TUT4: variants seen among roughly 807,000 people sequenced by gnomAD.
The protein encoded by TUT4 is terminal uridylyl transferase 4, also known as terminal uridylyltransferase 4.
A neutral mutation model predicts 192.2 loss-of-function variants in TUT4; 36 were observed. The observed-to-expected ratio is 0.19, with a 90% CI of 0.14 to 0.25. The LOEUF (loss-of-function observed/expected upper bound fraction) is 0.25. TUT4 is among the 10% of genes least tolerant of loss of function. The pLI is 1.00. For synonymous variants in TUT4, 618 were observed against 666.0 expected (o/e 0.93, Z 1.11); for missense variants, 1,493 against 1,957.2 (o/e 0.76, Z 4.47).
chr1:52,423,985 G>A lies in TUT4; in HGVS notation c.4888C>T (p.Arg1630Trp), dbSNP rs140385741. Reference sequence around the variant, plus strand: ...GGGTGGGGACAACGCTCTCTACACCGACGGGTGGCACATCTGTCTGTTGGA... The same window carrying A: ...GGGTGGGGACAACGCTCTCTACACCAACGGGTGGCACATCTGTCTGTTGGA... Reference protein sequence around the residue: ...FYTQDRCATRRCRERCPHPPR... With the variant: ...FYTQDRCATRWCRERCPHPPR... Residue 1630 changes from arginine (R) to tryptophan (W), a missense_variant, in exon 30 of 30, where the codon CGG (arginine) becomes TGG (tryptophan). Around this residue, in one of 7 missense-constraint regions of TUT4, gnomAD observed 351 missense variants for 397.8 expected, o/e 0.88. Transcript: ENST00000257177. The A allele has an allele frequency of 1.8e-5, 29 of 1,612,352 alleles. No individual in the cohort carries two copies. Among genetic ancestry groups the A allele is most frequent in the East Asian group, 6.7e-5 (3 of 44,834 alleles).
rs954187005 is a variant in TUT4 at position 52,540,375 on chromosome 1, G to A, written c.-94+12556C>T. Among the ~76,000 whole-genome samples, 3 of 151,788 alleles carry A rather than the reference G, an allele frequency of 2.0e-5. No individual in the cohort carries two copies. The East Asian group carries it at 5.8e-4, about 29-fold the overall frequency. ...ACTAAAAAGACAAAAAAATTGCAGG[G>A]TGTGGTGGCATGCACCTGTAGTCCG... On this transcript the variant is annotated intron_variant, in intron 1 of 29. Coordinates refer to ENST00000257177, the MANE Select transcript of TUT4 (RefSeq NM_001009881.3).
At chr1:52,435,574 T>G in intron 26 of TUT4, 109 bp from the exon 27 acceptor site, 1 of 838,948 alleles carries the variant, frequency 1.2e-6, no homozygotes, top group East Asian at 2.7e-5. Flanking sequence ...CTCTGCAATT[T>G]TATAAACTTG....
At chr1:52,526,622 G>A (rs960061985) in intron 1 of TUT4, among the ~76,000 whole-genome samples, 12 of 152,078 alleles carry the variant, frequency 7.9e-5, no homozygotes, top group African/African-American at 2.9e-4. Context: ...AAGAATTTTA[G>A]AAGTAAAGGT....
At chr1:52,435,823 T>C (rs541171923) in intron 26 of TUT4, among the ~76,000 whole-genome samples, 4 of 152,032 alleles carry the variant, frequency 2.6e-5, no homozygotes, top group Admixed American at 6.6e-5. Flanking sequence ...GGTGGGAGGA[T>C]CACTTGAGTC....
chr1:52,461,677 T>C (rs781181784), intron 17 of TUT4, 35 bp downstream of exon 17: 3 of 1,543,134 alleles, frequency 1.9e-6, no homozygotes, highest in Non-Finnish European at 2.6e-6. Flanking sequence ...TAAAAAAATT[T>C]ATTTTGTTTT....
At chr1:52,484,288 G>C (rs937480796) in intron 9 of TUT4, among the ~76,000 whole-genome samples, 1 of 152,070 alleles carries the variant, frequency 6.6e-6, no homozygotes, top group African/African-American at 2.4e-5. Flanking sequence ...AAAAAATACA[G>C]TACAACTATT....
intron 1 of TUT4, among the ~76,000 whole-genome samples, chr1:52,536,940 C>T (rs371848805): frequency 3.9e-4 from 60 of 152,192 alleles, no homozygotes; most frequent in African/African-American, 1.2e-3. Context: ...CCAAGGCAGG[C>T]GGATCATGAG....
At chr1:52,445,760 T>TC (rs1432119905) in intron 24 of TUT4, 27 bp downstream of exon 24, 1 of 1,519,468 alleles carries the variant, frequency 6.6e-7, no homozygotes. Flanking sequence ...AAAGAAAAGA[T>TC]TCACAATTCA....
At chr1:52,528,901 C>T (rs1682583180) in intron 1 of TUT4, among the ~76,000 whole-genome samples, 1 of 151,934 alleles carries the variant, frequency 6.6e-6, no homozygotes, top group Non-Finnish European at 1.5e-5. Context: ...GTTGTAGAGA[C>T]AAAGTCTCAC....
chr1:52,436,636 G>C, intron 26 of TUT4, 119 bp downstream of exon 26: 1 of 1,471,574 alleles, frequency 6.8e-7, no homozygotes. Context: ...TTAAGAAATT[G>C]TAAGGTCCAA....
intron 1 of TUT4, among the ~76,000 whole-genome samples, chr1:52,541,602 C>T (rs1014473621): frequency 2.0e-5 from 3 of 151,174 alleles, no homozygotes; most frequent in African/African-American, 4.8e-5. Context: ...GATCAAAGAC[C>T]TAAATGTAGA....
chr1:52,475,846 G>GT lies in TUT4; in HGVS notation c.2024-312dup, dbSNP rs997442956. ...CAATGATGAAATTGTGGAAAAAGGA[G>GT]TTTTTTTTTTTCTTTTGAGATGGAG... is the stretch of plus-strand genomic sequence containing the variant. On this transcript the variant is annotated intron_variant, in intron 12 of 29. Coordinates refer to ENST00000257177, the MANE Select transcript of TUT4 (RefSeq NM_001009881.3). Among the ~76,000 whole-genome samples the GT allele has an allele frequency of 1.5e-3, 221 of 147,628 alleles. 1 individual carries two copies. Among genetic ancestry groups the GT allele is most frequent in the South Asian group, 3.9e-3 (18 of 4,624 alleles).
chr1:52,483,599 C>T (rs892063423), intron 9 of TUT4, among the ~76,000 whole-genome samples: 29 of 152,154 alleles, frequency 1.9e-4, no homozygotes, highest in Admixed American at 1.8e-3. Context: ...GACTTAAGGT[C>T]AGGAGTTCGA....
chr1:52,459,693 C>A (rs1662009983), intron 19 of TUT4, among the ~76,000 whole-genome samples: 1 of 152,070 alleles, frequency 6.6e-6, no homozygotes. Context: ...CCAGCCTGGC[C>A]AACATGGCAA....
intron 13 of TUT4, among the ~76,000 whole-genome samples, chr1:52,473,479 G>A (rs540848601): frequency 2.0e-5 from 3 of 152,288 alleles, no homozygotes; most frequent in African/African-American, 4.8e-5. Flanking sequence ...TGGATGGATA[G>A]GTTTGTGGCA....
chr1:52,500,479 T>C (rs1270769607), intron 4 of TUT4, among the ~76,000 whole-genome samples: 1 of 151,470 alleles, frequency 6.6e-6, no homozygotes, highest in Non-Finnish European at 1.5e-5. Context: ...AATAAAAAAT[T>C]AGGCCAGGCA....
chr1:52,467,524 C>T (rs528887139), intron 15 of TUT4, among the ~76,000 whole-genome samples: 1 of 152,314 alleles, frequency 6.6e-6, no homozygotes, highest in East Asian at 1.9e-4. Context: ...ACTCTGGACT[C>T]ACACAACAGC....
intron 3 of TUT4, among the ~76,000 whole-genome samples, chr1:52,511,294 A>G (rs1327066121): frequency 6.6e-6 from 1 of 152,186 alleles, no homozygotes; most frequent in African/African-American, 2.4e-5. Context: ...AATTCTGTCA[A>G]ATCAGTTCCT....
rs770450670 is a variant in TUT4, at chr1:52,493,581, A to AAAAAG, written c.1318+25_1318+29dup. The AAAAAG allele has an allele frequency of 3.6e-6, 5 of 1,403,320 alleles. No homozygotes were observed. The African/African-American group carries it at 7.3e-5, about 21-fold the overall frequency. 86.9% of individuals were successfully genotyped at this position (1,403,320 alleles called of 1,614,324 possible). A position where few individuals can be genotyped will look rare whatever the true frequency, so the allele number is the denominator to read the frequency against. ...CCTTTAGAAAGACAAATTAAAAAAA[A>AAAAAG]AAAAGAAAAGAAAAAGAAAAGAAAC... On this transcript the variant is annotated intron_variant, in intron 7 of 29. Coordinates refer to ENST00000257177, the MANE Select transcript of TUT4 (RefSeq NM_001009881.3).
Sources: gnomAD v4.1 joint callset for allele counts (sites outside exome capture counted in the v4.1 genomes callset) on GRCh38, gnomAD v4.1.1 for gene constraint, gnomAD v4.1.1 regional missense constraint, MANE v1.5 for transcripts, NCBI Gene and HGNC (gene_info 2026-07-23, HGNC 2026-07-21) for gene names.